SGK2: variants seen among roughly 807,000 people sequenced by gnomAD.
SGK2 encodes the protein serine/threonine-protein kinase Sgk2.
In SGK2, 36 loss-of-function variants were observed where a neutral mutation model predicts 47.5. The ratio of observed to expected loss-of-function variants is 0.76; its 90% confidence interval spans 0.58 to 1.00. The LOEUF is 1.00. Among genes scored for constraint, SGK2 ranks in the 50% least tolerant of loss-of-function variants. The pLI, the probability that SGK2 is intolerant of heterozygous loss-of-function variation, is 0.00. For missense variants in SGK2, 404 were observed against 467.4 expected, an observed-to-expected ratio of 0.86 and a Z score of 1.25; for synonymous variants, 157 against 181.9, an observed-to-expected ratio of 0.86 and a Z score of 1.10.
Position 43,584,987 on chromosome 20 carries a change from C to G in SGK2, c.1075C>G (p.Pro359Ala). The G allele has an allele frequency of 1.9e-6, 3 of 1,613,982 alleles. No homozygotes were observed. Among genetic ancestry groups the G allele is most frequent in the Non-Finnish European group, 2.5e-6 (3 of 1,179,932 alleles). The change falls in exon 13 of 13, where the codon CCA (proline) becomes GCA (alanine). Residue 359 changes from proline to alanine, a missense_variant. Coordinates refer to ENST00000373100, the MANE Select transcript of SGK2 (RefSeq NM_170693.3). ...TGCATTCCTGGGATTTTCTTATGCG[C>G]CAGAGGATGATGACATCTTGGATTG... ...SSAFLGFSYA[P>A]EDDDILDC
chr20:43,570,799 C>A, intron 7 of SGK2, 70 bp downstream of exon 7: 7 of 1,336,086 alleles, frequency 5.2e-6, no homozygotes, highest in South Asian at 5.0e-5. Context: ...GTTGTGTGGA[C>A]ACTAAATCCT....
chr20:43,576,955 A>C (rs1980496782), intron 11 of SGK2, among the ~76,000 whole-genome samples: 1 of 152,212 alleles, frequency 6.6e-6, no homozygotes, highest in Non-Finnish European at 1.5e-5. Context: ...AAACAAAAAC[A>C]AAAAAAGTTT....
rs777436767 is a variant in SGK2, at chr20:43,570,691, C to T, written c.435C>T (p.Ser145=). The T allele has an allele frequency of 1.7e-5, 27 of 1,613,266 alleles. No homozygotes were observed. In the East Asian group the frequency reaches 4.5e-4, roughly 27 times the overall value. ...RARFYAAEVA[S]AIGYLHSLNI... is the part of the protein sequence containing the mutation. Reference sequence around the variant, plus strand: ...GGTTCTACGCTGCTGAGGTGGCCAGCGCCATTGGCTACCTGCACTCCCTCA... The same window carrying T: ...GGTTCTACGCTGCTGAGGTGGCCAGTGCCATTGGCTACCTGCACTCCCTCA... The change falls in exon 7 of 13, where the codon AGC becomes AGT. Residue 145 remains serine (S), a synonymous_variant. Transcript: ENST00000373100.
chr20:43,567,990 G>T lies in SGK2; in HGVS notation c.219G>T (p.Lys73Asn). Reference protein sequence around the residue: ...VKVLQKKSILKKKEQSHIMAE... With the variant: ...VKVLQKKSILNKKEQSHIMAE... ...TACTACAGAAAAAGTCCATCTTAAAGAAGAAAGAGGTACCAGAGCTCGGGC... is the reference window on the plus strand; with the variant it reads ...TACTACAGAAAAAGTCCATCTTAAATAAGAAAGAGGTACCAGAGCTCGGGC... Residue 73 changes from lysine to asparagine, a missense_variant, in exon 5 of 13, where the codon AAG (lysine) becomes AAT (asparagine). Coordinates refer to ENST00000373100, the MANE Select transcript of SGK2 (RefSeq NM_170693.3). The T allele has an allele frequency of 6.2e-7, 1 of 1,613,964 alleles. No homozygotes were observed. The highest frequency in any genetic ancestry group is 1.3e-5 in the African/African-American group (1 of 75,030).
chr20:43,580,404 A>G (rs1322513071), intron 12 of SGK2, among the ~76,000 whole-genome samples: 2 of 152,188 alleles, frequency 1.3e-5, no homozygotes, highest in Non-Finnish European at 2.9e-5. Flanking sequence ...TTTCCTGATA[A>G]TAAAAATGAC....
rs769542742 is a variant in SGK2, at chr20:43,572,956, C to T, written c.597+819C>T. Among the ~76,000 whole-genome samples the T allele has an allele frequency of 6.6e-6, 1 of 151,944 alleles. No homozygotes were observed. Among genetic ancestry groups the T allele is most frequent in the African/African-American group, 2.4e-5 (1 of 41,354 alleles). On this transcript the variant is annotated intron_variant, in intron 9 of 12. Coordinates refer to ENST00000373100, the MANE Select transcript of SGK2 (RefSeq NM_170693.3). This position sits in a 1 kb window ranked among gnomAD's most constrained non-coding sequence, Gnocchi z 4.2. ...TTGGAGCAGCCACATTTGAAGTGTT[C>T]GATAGCCACGTGCAGCCAGTGGCTG...
At chr20:43,568,644 G>C (rs1979896429) in intron 5 of SGK2, among the ~76,000 whole-genome samples, 1 of 151,932 alleles carries the variant, frequency 6.6e-6, no homozygotes, top group African/African-American at 2.4e-5. Context: ...ACCACTCCTG[G>C]CTAATTTTTG....
intron 1 of SGK2, among the ~76,000 whole-genome samples, chr20:43,561,639 G>A (rs553955591): frequency 3.3e-5 from 5 of 152,062 alleles, no homozygotes; most frequent in South Asian, 4.2e-4. Context: ...CACCCGCCTC[G>A]GCCTCCCAAA....
chr20:43,564,492 C>T (rs942988862), intron 1 of SGK2, among the ~76,000 whole-genome samples: 6 of 150,916 alleles, frequency 4.0e-5, no homozygotes, highest in South Asian at 4.2e-4. Context: ...TGCATGCACG[C>T]GCGCACACAC....
chr20:43,572,048 C>T lies in SGK2; in HGVS notation c.511-3C>T. On this transcript the variant is annotated splice_polypyrimidine_tract_variant and splice_region_variant and intron_variant, in intron 8 of 12. Coordinates refer to ENST00000373100, the MANE Select transcript of SGK2 (RefSeq NM_170693.3). This position sits in a 1 kb window ranked among gnomAD's most constrained non-coding sequence, Gnocchi z 4.2. ...TCCAGCCCATGCCCTCCGTCATTCT[C>T]AGGGACACGTGGTGCTGACGGATTT... The T allele has an allele frequency of 1.9e-6, 3 of 1,547,436 alleles. No individual in the cohort carries two copies. The highest frequency in any genetic ancestry group is 2.4e-5 in the East Asian group (1 of 40,862).
intron 8 of SGK2, among the ~76,000 whole-genome samples, chr20:43,571,549 CAA>C (rs1980130202): frequency 6.6e-6 from 1 of 152,088 alleles, no homozygotes; most frequent in Non-Finnish European, 1.5e-5. Flanking sequence ...CAAAATGAGA[CAA>C]AGAGGATGGG....
At chr20:43,569,148 G>C (rs931664775) in intron 5 of SGK2, among the ~76,000 whole-genome samples, 5 of 152,204 alleles carry the variant, frequency 3.3e-5, no homozygotes, top group East Asian at 1.9e-4. Context: ...ACAGGGGCTA[G>C]AGCTGTGCCC....
At chr20:43,577,501 G>A (rs1370359781) in intron 11 of SGK2, among the ~76,000 whole-genome samples, 1 of 151,480 alleles carries the variant, frequency 6.6e-6, no homozygotes, top group Non-Finnish European at 1.5e-5. Context: ...ACAGGCACCC[G>A]CCACCACGCC....
At chr20:43,573,627 C>T (rs1470839285) in intron 9 of SGK2, among the ~76,000 whole-genome samples, 2 of 152,198 alleles carry the variant, frequency 1.3e-5, no homozygotes, top group African/African-American at 4.8e-5. Context: ...TGGGAGACTC[C>T]TCCCCACCTG....
chr20:43,578,413 G>T (rs1228021899), intron 11 of SGK2, among the ~76,000 whole-genome samples: 3 of 152,040 alleles, frequency 2.0e-5, no homozygotes, highest in Non-Finnish European at 2.9e-5. Flanking sequence ...TGAACCTGGG[G>T]GTGGGTGGAG....
chr20:43,571,635 A>G (rs1980137153), intron 8 of SGK2, among the ~76,000 whole-genome samples: 1 of 152,154 alleles, frequency 6.6e-6, no homozygotes. Context: ...TTCTAGCAGC[A>G]GGGGGATGGG....
chr20:43,564,558 C>T (rs1241052561), intron 1 of SGK2, among the ~76,000 whole-genome samples: 3 of 152,196 alleles, frequency 2.0e-5, no homozygotes, highest in African/African-American at 7.2e-5. Flanking sequence ...TGAACACACA[C>T]AATGACTTAC....
intron 11 of SGK2, among the ~76,000 whole-genome samples, chr20:43,578,720 T>C (rs1286323572): frequency 6.6e-6 from 1 of 152,192 alleles, no homozygotes; most frequent in Non-Finnish European, 1.5e-5. Context: ...GCTTTTTAAG[T>C]GTACCAAAAG....
Position 43,572,017 on chromosome 20 carries a change from C to G in SGK2, c.511-34C>G. 2 of 1,506,740 alleles carry G rather than the reference C, an allele frequency of 1.3e-6. No homozygotes were observed. Among genetic ancestry groups the G allele is most frequent in the Non-Finnish European group, 9.0e-7 (1 of 1,108,514 alleles). 93.3% of individuals were successfully genotyped at this position (1,506,740 alleles called of 1,614,324 possible). A position where few individuals can be genotyped will look rare whatever the true frequency, so the allele number is the denominator to read the frequency against. ...GGCCTGGCCATACCCTTGGCTCATA[C>G]CACCCTCCAGCCCATGCCCTCCGTC... On this transcript the variant is annotated intron_variant, in intron 8 of 12. Transcript: ENST00000373100. This position sits in a 1 kb window ranked among gnomAD's most constrained non-coding sequence, Gnocchi z 4.2.
Sources: allele counts gnomAD v4.1 joint callset (sites outside exome capture counted in the v4.1 genomes callset), GRCh38; gene constraint gnomAD v4.1.1; non-coding constraint Gnocchi (gnomAD v3.1); transcripts MANE v1.5; gene names NCBI Gene and HGNC (gene_info 2026-07-23, HGNC 2026-07-21).